The following PKHD1L1 variants were observed in gnomAD, a reference collection of about 807,000 sequenced individuals.
PKHD1L1 encodes PKHD1 like 1.
In PKHD1L1, 434 loss-of-function variants were observed where a neutral mutation model predicts 462.9. The observed-to-expected ratio is 0.94, with a 90% CI of 0.87 to 1.02. The LOEUF (loss-of-function observed/expected upper bound fraction) is 1.02, where lower values mean the gene tolerates loss of function less well. PKHD1L1 is among the 50% of genes least tolerant of loss of function. The pLI is 0.00. For synonymous variants in PKHD1L1, 1,781 were observed against 1,750.0 expected (o/e 1.02, Z -0.44); for missense variants, 5,202 against 5,096.1 (o/e 1.02, Z -0.63).
Position 109,487,890 on chromosome 8 carries a change from G to GAGGAAGGAAGGAAGGAAGGAAGGAAGGA in PKHD1L1, c.9880+1095_9880+1122dup, listed in dbSNP as rs10661778. 2.9e-4 allele frequency among the ~76,000 whole-genome samples: 20 copies of GAGGAAGGAAGGAAGGAAGGAAGGAAGGA among 69,322 alleles called. 1 individual carries two copies. Among genetic ancestry groups the GAGGAAGGAAGGAAGGAAGGAAGGAAGGA allele is most frequent in the East Asian group, 1.1e-3 (3 of 2,814 alleles). 45.5% of individuals were successfully genotyped at this position (69,322 alleles called of 152,430 possible). ...AGACAGAGAGAAAGAGAGAGAGAGA[G>GAGGAAGGAAGGAAGGAAGGAAGGAAGGA]AGGAAGGAAGGAAGGAAGGAAGGAA... is the stretch of plus-strand genomic sequence containing the variant. On this transcript the variant is annotated intron_variant, in intron 59 of 77. Coordinates refer to ENST00000378402, the MANE Select transcript of PKHD1L1 (RefSeq NM_177531.6).
Position 109,464,743 on chromosome 8 carries a change from T to G in PKHD1L1, c.7911T>G (p.Ser2637=). 6.2e-7 allele frequency: 1 copy of G among 1,613,890 alleles called. No individual in the cohort carries two copies. The highest frequency in any genetic ancestry group is 2.2e-5 in the East Asian group (1 of 44,874). The change falls in exon 49 of 78, where the codon TCT becomes TCG. Residue 2637 remains serine, a synonymous_variant. Transcript: ENST00000378402. ...AATATTTCCCCATGCAAACGGGATC[T>G]TGTACATCTACAGTGCCTGCACCTG... ...FEEYFPMQTG[S]CTSTVPAPAI... is the part of the protein sequence containing the mutation.
At chr8:109,440,023 C>T (rs1233335475) in intron 32 of PKHD1L1, among the ~76,000 whole-genome samples, 4 of 152,042 alleles carry the variant, frequency 2.6e-5, no homozygotes, top group Non-Finnish European at 4.4e-5. Context: ...TACAAAATTG[C>T]TCATTCAGAT....
chr8:109,454,244 C>T lies in PKHD1L1; in HGVS notation c.6742C>T (p.Gln2248Ter). 6.3e-7 allele frequency: 1 copy of T among 1,594,136 alleles called. No homozygotes were observed. Among genetic ancestry groups the T allele is most frequent in the African/African-American group, 1.3e-5 (1 of 74,464 alleles). Residue 2248 changes from glutamine to a stop codon, truncating the protein, a stop_gained and splice_region_variant, in exon 44 of 78, where the codon CAG becomes TAG. Coordinates refer to ENST00000378402, the MANE Select transcript of PKHD1L1 (RefSeq NM_177531.6). LOFTEE classifies it high-confidence loss of function. ...NILITDGGVL[Q>*]IGTETSPFQH... ...TCTAATTACAGATGGAGGTGTTCTTCAGGTATTCAAAAGAACATAATACAT... is the reference window on the plus strand; with the variant it reads ...TCTAATTACAGATGGAGGTGTTCTTTAGGTATTCAAAAGAACATAATACAT...
chr8:109,414,939 C>T (rs556323294), intron 21 of PKHD1L1, among the ~76,000 whole-genome samples: 1 of 150,582 alleles, frequency 6.6e-6, no homozygotes, highest in Admixed American at 6.6e-5. Flanking sequence ...TTTCAATTGT[C>T]CTGTTTTCTA....
Position 109,429,386 on chromosome 8 carries a change from C to A in PKHD1L1, c.3047C>A (p.Thr1016Lys). The change falls in exon 26 of 78, where the codon ACA becomes AAA. Residue 1016 changes from threonine to lysine, a missense_variant. By Grantham distance (78) the Thr-to-Lys change is moderately conservative. Transcript: ENST00000378402. The stretch of plus-strand genomic sequence containing the variant: ...GGAGAAAAGGCTAATATGACAGTTA[C>A]AAGGATAAAGGAAGGTGGCTTATTC... Reference protein sequence around the residue: ...IIGEKANMTVTRIKEGGLFRQ... With the variant: ...IIGEKANMTVKRIKEGGLFRQ... 2.5e-6 allele frequency: 4 copies of A among 1,574,008 alleles called. No individual in the cohort carries two copies. Among genetic ancestry groups the A allele is most frequent in the Non-Finnish European group, 3.5e-6 (4 of 1,150,148 alleles).
chr8:109,483,258 T>G (rs1236848340), intron 57 of PKHD1L1, among the ~76,000 whole-genome samples, 153 bp downstream of exon 57: 2 of 151,662 alleles, frequency 1.3e-5, no homozygotes, highest in Non-Finnish European at 3.0e-5. Flanking sequence ...ATGTATCCGA[T>G]AGGAGGCATT....
intron 67 of PKHD1L1, 143 bp downstream of exon 67, chr8:109,498,914 C>T: frequency 1.4e-6 from 1 of 717,272 alleles, no homozygotes; most frequent in Non-Finnish European, 2.3e-6. Flanking sequence ...AGAAATCAGA[C>T]ATCAGAGTCA....
chr8:109,384,601 A>G (rs1812338262), intron 5 of PKHD1L1, among the ~76,000 whole-genome samples: 1 of 152,082 alleles, frequency 6.6e-6, no homozygotes, highest in Non-Finnish European at 1.5e-5. Context: ...ACTATAATGT[A>G]TTTATCACCT....
In PKHD1L1 at chr8:109,464,329, T is replaced by A; in HGVS notation, c.7497T>A (p.Tyr2499Ter). ...YVRGCAIHQA[Y>*]NRAVTIHNTH... Reference sequence around the variant, plus strand: ...GAGGCTGTGCAATTCACCAGGCCTATAACAGAGCTGTTACTATTCATAACA... The same window carrying A: ...GAGGCTGTGCAATTCACCAGGCCTAAAACAGAGCTGTTACTATTCATAACA... The change falls in exon 49 of 78, where the codon TAT becomes TAA. Residue 2499 changes from tyrosine to a stop codon, truncating the protein, a stop_gained. Coordinates refer to ENST00000378402, the MANE Select transcript of PKHD1L1 (RefSeq NM_177531.6). LOFTEE classifies it high-confidence loss of function. The A allele has an allele frequency of 6.2e-7, 1 of 1,613,350 alleles. No individual in the cohort carries two copies. Among genetic ancestry groups the A allele is most frequent in the Non-Finnish European group, 8.5e-7 (1 of 1,179,572 alleles).
At chr8:109,504,714 T>C (rs1025301491) in intron 68 of PKHD1L1, among the ~76,000 whole-genome samples, 1 of 152,184 alleles carries the variant, frequency 6.6e-6, no homozygotes. Flanking sequence ...TCCCATTGCT[T>C]TTTTTGTGTG....
At chr8:109,448,724 T>G (rs1401408454) in intron 39 of PKHD1L1, among the ~76,000 whole-genome samples, 2 of 152,066 alleles carry the variant, frequency 1.3e-5, no homozygotes, top group East Asian at 3.9e-4. Flanking sequence ...CCATGAAAAT[T>G]TATAGCACAA....
chr8:109,373,849 A>G (rs1416277185), intron 2 of PKHD1L1, among the ~76,000 whole-genome samples: 1 of 152,154 alleles, frequency 6.6e-6, no homozygotes, highest in Non-Finnish European at 1.5e-5. Flanking sequence ...TCCTAGTTTG[A>G]TTGCAGTGTG....
chr8:109,394,537 T>C, intron 10 of PKHD1L1, 52 bp downstream of exon 10: 5 of 1,174,928 alleles, frequency 4.3e-6, no homozygotes, highest in South Asian at 1.8e-5. Context: ...AGGCAGTGTA[T>C]AATTGATTTA....
intron 45 of PKHD1L1, among the ~76,000 whole-genome samples, chr8:109,455,993 T>TA (rs1043913511): frequency 1.3e-5 from 2 of 152,112 alleles, no homozygotes; most frequent in East Asian, 3.8e-4. Flanking sequence ...TGTGTCCCTG[T>TA]AAAAAAAGAT....
intron 50 of PKHD1L1, among the ~76,000 whole-genome samples, chr8:109,472,336 T>C (rs1190281279): frequency 1.3e-5 from 2 of 152,152 alleles, no homozygotes; most frequent in African/African-American, 4.8e-5. Flanking sequence ...ATCTCTAAGC[T>C]TTCTTTTTGT....
chr8:109,509,255 A>C (rs1009703031), intron 70 of PKHD1L1, among the ~76,000 whole-genome samples: 2 of 152,032 alleles, frequency 1.3e-5, no homozygotes, highest in African/African-American at 4.8e-5. Flanking sequence ...TTCGGATTGT[A>C]TGAAGCAGAG....
Position 109,410,726 on chromosome 8 carries a change from C to CTTTTTTTTTTTTTTTTT in PKHD1L1, c.2085+753_2085+769dup, listed in dbSNP as rs71303459. Among the ~76,000 whole-genome samples the CTTTTTTTTTTTTTTTTT allele has an allele frequency of 2.2e-4, 15 of 68,386 alleles. 1 individual carries two copies. Among genetic ancestry groups the CTTTTTTTTTTTTTTTTT allele is most frequent in the African/African-American group, 8.2e-4 (10 of 12,264 alleles). 44.9% of individuals were successfully genotyped at this position (68,386 alleles called of 152,430 possible). ...TTCTTTTTTCTTTTCTTTTCTTTTT[C>CTTTTTTTTTTTTTTTTT]TTTTTTTTTTTTTTTTTTTTTGAGA... On this transcript the variant is annotated intron_variant, in intron 19 of 77. Coordinates refer to ENST00000378402, the MANE Select transcript of PKHD1L1 (RefSeq NM_177531.6).
At position 109,440,779 on chromosome 8, in the gene PKHD1L1, G is replaced by T; in HGVS notation, c.4026G>T (p.Leu1342Phe). Residue 1342 changes from leucine (L) to phenylalanine (F), a missense_variant, in exon 33 of 78, where the codon TTG becomes TTT. By Grantham distance (22) the Leu-to-Phe change is conservative. Coordinates refer to ENST00000378402, the MANE Select transcript of PKHD1L1 (RefSeq NM_177531.6). ...VTSMFPQRGS[L>F]FGGTEITIRG... ...GCATGTTTCCACAAAGAGGCTCCTT[G>T]TTTGGTGGAACTGAAATCACCATAA... The T allele has an allele frequency of 6.2e-7, 1 of 1,613,084 alleles. No individual in the cohort carries two copies. Among genetic ancestry groups the T allele is most frequent in the Non-Finnish European group, 8.5e-7 (1 of 1,179,326 alleles).
At chr8:109,455,570 T>C (rs1189227605) in intron 45 of PKHD1L1, among the ~76,000 whole-genome samples, 1 of 152,206 alleles carries the variant, frequency 6.6e-6, no homozygotes, top group African/African-American at 2.4e-5. Context: ...CAGAAGAATG[T>C]AATTTCTTAA....
Sources: gnomAD v4.1 joint callset for allele counts (sites outside exome capture counted in the v4.1 genomes callset) on GRCh38, gnomAD v4.1.1 for gene constraint, MANE v1.5 for transcripts, NCBI Gene and HGNC (gene_info 2026-07-23, HGNC 2026-07-21) for gene names.